Variants in GKAP1 observed in about 807,000 individuals in gnomAD.
GKAP1 encodes the protein G kinase anchoring protein 1, also known as G kinase-anchoring protein 1.
Under a neutral mutation model 56.7 loss-of-function variants are expected in GKAP1, and 31 were observed. The ratio of observed to expected loss-of-function variants is 0.55; its 90% CI spans 0.41 to 0.74. The LOEUF (loss-of-function observed/expected upper bound fraction) is 0.74, where lower values mean the gene tolerates loss of function less well. GKAP1 is among the 30% of genes least tolerant of loss of function. The pLI, the probability that GKAP1 is intolerant of heterozygous loss-of-function variation, is 0.00. For synonymous variants in GKAP1, 151 were observed against 138.6 expected (o/e 1.09, Z -0.63); for missense variants, 364 against 402.3 (o/e 0.90, Z 0.82).
At chr9:83,811,359 A>G (rs146466143) in intron 2 of GKAP1, among the ~76,000 whole-genome samples, 1,840 of 152,340 alleles carry the variant, frequency 0.012, 44 homozygotes, top group East Asian at 0.071. Context: ...ATTACACATA[A>G]CATACTACGG....
At chr9:83,788,222 G>T (rs1470241142) in intron 5 of GKAP1, among the ~76,000 whole-genome samples, 1 of 152,220 alleles carries the variant, frequency 6.6e-6, no homozygotes, top group African/African-American at 2.4e-5. Flanking sequence ...AGGTTGCAGT[G>T]AGGTGAGATC....
chr9:83,804,161 GGAGGT>G (rs1192783720), intron 3 of GKAP1, among the ~76,000 whole-genome samples: 1 of 149,368 alleles, frequency 6.7e-6, no homozygotes, highest in Non-Finnish European at 1.5e-5. Flanking sequence ...GCCCCGTCTG[GGAGGT>G]GAGGGGCGCC....
At chr9:83,775,790 G>T (rs143117566) in intron 7 of GKAP1, among the ~76,000 whole-genome samples, 42 of 144,466 alleles carry the variant, frequency 2.9e-4, no homozygotes, top group African/African-American at 1.1e-3. Flanking sequence ...CTCAAGAATC[G>T]CTTGAACCCA....
rs536500445 is a variant in GKAP1 at position 83,779,610 on chromosome 9, T to TACAC, written c.585+771_585+772insGTGT. On this transcript the variant is annotated intron_variant, in intron 7 of 12. Transcript: ENST00000376371. ...ACGTATATGTGTATATATATACACATATACACACACACACACACACACACA... is the reference window on the plus strand; with the variant it reads ...ACGTATATGTGTATATATATACACATACACATACACACACACACACACACACACA... Among the ~76,000 whole-genome samples the TACAC allele has an allele frequency of 4.8e-3, 408 of 84,236 alleles. 6 individuals carry two copies. The highest frequency in any genetic ancestry group is 0.037 in the East Asian group (110 of 2,948). The allele number at this position is 84,236 out of a possible 152,430, so 55.3% of individuals were successfully genotyped here. A position where few individuals can be genotyped will look rare whatever the true frequency, so the allele number is the denominator to read the frequency against.
chr9:83,748,285 T>C (rs1333698831), intron 10 of GKAP1, 24 bp downstream of exon 10: 6 of 1,503,334 alleles, frequency 4.0e-6, no homozygotes, highest in Non-Finnish European at 4.6e-6. Context: ...AACTTTTAAT[T>C]ACAAAAACAT....
chr9:83,763,119 C>A (rs1358879291), intron 8 of GKAP1, among the ~76,000 whole-genome samples: 1 of 152,110 alleles, frequency 6.6e-6, no homozygotes, highest in Non-Finnish European at 1.5e-5. Context: ...AAAAAAAGAT[C>A]TTGTTATTTG....
chr9:83,799,367 C>A, intron 3 of GKAP1, 39 bp from the exon 4 acceptor site: 1 of 1,411,478 alleles, frequency 7.1e-7, no homozygotes, highest in Non-Finnish European at 9.7e-7. Context: ...TTCAGTTTAC[C>A]AATCCTGGGA....
At chr9:83,804,879 G>A (rs1173721401) in intron 3 of GKAP1, among the ~76,000 whole-genome samples, 28 of 149,636 alleles carry the variant, frequency 1.9e-4, no homozygotes, top group East Asian at 1.4e-3. Flanking sequence ...CAGCCGCCCC[G>A]TCCGGGAGGT....
intron 11 of GKAP1, 135 bp downstream of exon 11, chr9:83,742,394 TG>T: frequency 1.6e-6 from 1 of 617,506 alleles, no homozygotes; most frequent in South Asian, 2.3e-5. Context: ...TCTTCATTCA[TG>T]GGCTATTACA....
chr9:83,744,745 T>C (rs1404820904), intron 10 of GKAP1, among the ~76,000 whole-genome samples: 2 of 152,182 alleles, frequency 1.3e-5, no homozygotes, highest in Admixed American at 1.3e-4. Flanking sequence ...AAGAACTGCC[T>C]GAGAATGGGT....
intron 4 of GKAP1, among the ~76,000 whole-genome samples, chr9:83,798,488 T>C (rs1310976553): frequency 1.3e-5 from 2 of 152,174 alleles, no homozygotes; most frequent in Non-Finnish European, 2.9e-5. Context: ...CCAAAGGATT[T>C]CTTTTTTAAG....
intron 2 of GKAP1, among the ~76,000 whole-genome samples, chr9:83,811,851 G>A (rs193215949): frequency 5.6e-4 from 85 of 151,942 alleles, no homozygotes; most frequent in Non-Finnish European, 1.0e-3. Context: ...GAAACAACTG[G>A]AAGAGTTCAA....
chr9:83,764,961 C>G (rs546349417), intron 8 of GKAP1, among the ~76,000 whole-genome samples: 44 of 152,280 alleles, frequency 2.9e-4, no homozygotes, highest in African/African-American at 1.0e-3. Context: ...GTCTACCACA[C>G]AAGTGAGAAG....
intron 3 of GKAP1, 113 bp from the exon 4 acceptor site, chr9:83,799,441 C>T (rs538558072): frequency 1.8e-5 from 13 of 703,268 alleles, no homozygotes; most frequent in East Asian, 3.0e-5. Context: ...TGAAACCACT[C>T]GTTTTGCTAA....
chr9:83,784,334 A>T (rs1376091830), intron 6 of GKAP1, among the ~76,000 whole-genome samples: 1 of 149,766 alleles, frequency 6.7e-6, no homozygotes, highest in Admixed American at 6.6e-5. Context: ...GATCTTCAAC[A>T]GGTAATTAGG....
chr9:83,775,794 G>C (rs1026064706), intron 7 of GKAP1, among the ~76,000 whole-genome samples: 1 of 136,338 alleles, frequency 7.3e-6, no homozygotes, highest in Admixed American at 8.3e-5. Flanking sequence ...AGAATCGCTT[G>C]AACCCAGGAA....
rs537995811 is a variant in GKAP1 at position 83,768,368 on chromosome 9, T to C, written c.738+450A>G. On this transcript the variant is annotated intron_variant, in intron 8 of 12. Transcript: ENST00000376371. ...ACTCCATCCCAAATGTCACTTTTTA[T>C]ATACCCACCACAATTCACCCAAGCA... 2.1e-4 allele frequency among the ~76,000 whole-genome samples: 32 copies of C among 152,302 alleles called. No homozygotes were observed. In the South Asian group the frequency reaches 6.2e-3, roughly 30 times the overall value.
chr9:83,757,871 T>C (rs1469449078), intron 8 of GKAP1, among the ~76,000 whole-genome samples: 1 of 150,610 alleles, frequency 6.6e-6, no homozygotes, highest in Admixed American at 6.6e-5. Context: ...AGAATCTGGA[T>C]ATCTAGATAA....
intron 5 of GKAP1, among the ~76,000 whole-genome samples, chr9:83,786,095 A>G (rs1429928951): frequency 7.2e-5 from 11 of 152,136 alleles, no homozygotes; most frequent in Admixed American, 7.2e-4. Flanking sequence ...TCCCCAACAA[A>G]GGCACTGAAA....
Sources: allele counts gnomAD v4.1 joint callset (sites outside exome capture counted in the v4.1 genomes callset), GRCh38; gene constraint gnomAD v4.1.1; transcripts MANE v1.5; gene names NCBI Gene and HGNC (gene_info 2026-07-23, HGNC 2026-07-21).